The following OLFM4 variants were observed in gnomAD, a reference collection of about 807,000 sequenced individuals.
OLFM4 encodes olfactomedin-4.
Under a neutral mutation model 25.5 loss-of-function variants are expected in OLFM4, and 22 were observed. The ratio of observed to expected loss-of-function variants is 0.86; its 90% CI spans 0.62 to 1.23. OLFM4 has a LOEUF of 1.23. Among genes scored for constraint, OLFM4 ranks in the 50% most tolerant of loss-of-function variants. The pLI, the probability that OLFM4 is intolerant of heterozygous loss-of-function variation, is 0.00. For missense variants in OLFM4, 594 were observed against 619.4 expected, an observed-to-expected ratio of 0.96 and a Z score of 0.44; for synonymous variants, 255 against 237.7, an observed-to-expected ratio of 1.07 and a Z score of -0.67.
chr13:53,046,419 CA>C (rs1241731639), intron 4 of OLFM4, among the ~76,000 whole-genome samples: 1 of 152,142 alleles, frequency 6.6e-6, no homozygotes, highest in Non-Finnish European at 1.5e-5. Context: ...GAGTGCCAAC[CA>C]AGGCTAAACT....
At position 53,042,060 on chromosome 13, in the gene OLFM4, G is replaced by A. The variant is rs1479216954; in HGVS notation, c.508G>A (p.Val170Ile). ...AGAAGTGAAGGAGATGGAAAAACTG[G>A]TCATACAGCTGAAGGAGAGTTTTGG... ...KVEVKEMEKL[V>I]IQLKESFGGS... The change falls in exon 3 of 5, where the codon GTC becomes ATC. Residue 170 changes from valine (V) to isoleucine (I), a missense_variant. By Grantham distance (29) the Val-to-Ile change is conservative. Transcript: ENST00000219022. 8 of 1,614,026 alleles carry A rather than the reference G, an allele frequency of 5.0e-6. No homozygotes were observed. In the Admixed American group the frequency reaches 5.0e-5, roughly 10 times the overall value.
intron 4 of OLFM4, among the ~76,000 whole-genome samples, chr13:53,049,238 T>C (rs1237567543): frequency 1.3e-5 from 2 of 152,206 alleles, no homozygotes; most frequent in Non-Finnish European, 2.9e-5. Context: ...AAGTGATTTA[T>C]TGATGGGCTG....
chr13:53,045,503 A>C (rs898821368), intron 4 of OLFM4, among the ~76,000 whole-genome samples: 5 of 152,168 alleles, frequency 3.3e-5, no homozygotes, highest in African/African-American at 1.2e-4. Flanking sequence ...ATAATGCAGA[A>C]TTGGAAAATC....
chr13:53,029,834 A>G (rs1382558986), intron 1 of OLFM4, among the ~76,000 whole-genome samples: 1 of 152,226 alleles, frequency 6.6e-6, no homozygotes, highest in Non-Finnish European at 1.5e-5. Context: ...ATAGTAAGCC[A>G]GTTCCGTGGG....
At chr13:53,030,291 TTTG>T (rs971959458) in intron 1 of OLFM4, among the ~76,000 whole-genome samples, 1 of 152,084 alleles carries the variant, frequency 6.6e-6, no homozygotes, top group Non-Finnish European at 1.5e-5. Context: ...TATATATCTT[TTTG>T]TTGTTGTTGT....
At chr13:53,043,045 A>C in intron 3 of OLFM4, 60 bp from the exon 4 acceptor site, 1 of 1,347,214 alleles carries the variant, frequency 7.4e-7, no homozygotes. Context: ...TCAGCCCTGG[A>C]ATGTTTATGA....
At chr13:53,032,945 G>A (rs983046955) in intron 1 of OLFM4, among the ~76,000 whole-genome samples, 2 of 152,150 alleles carry the variant, frequency 1.3e-5, no homozygotes, top group African/African-American at 2.4e-5. Context: ...CATGGCCAGA[G>A]TCACTTCTGG....
chr13:53,029,237 G>A (rs1020578247), intron 1 of OLFM4, among the ~76,000 whole-genome samples, 197 bp downstream of exon 1: 4 of 152,180 alleles, frequency 2.6e-5, no homozygotes, highest in African/African-American at 9.7e-5. Flanking sequence ...AGACGATATC[G>A]CAGTTCTCCA....
rs747846342 is a variant in OLFM4, at chr13:53,050,165, G to T, written c.927G>T (p.Leu309=). The T allele has an allele frequency of 1.7e-5, 27 of 1,613,818 alleles. No homozygotes were observed. The highest frequency in any genetic ancestry group is 2.3e-5 in the Non-Finnish European group (27 of 1,179,944). ...LLEYYRLYNT[L]DDLLLYINAR... Reference sequence around the variant, plus strand: ...AGTATTATAGACTGTACAACACACTGGATGATTTGCTATTGTATATAAATG... The same window carrying T: ...AGTATTATAGACTGTACAACACACTTGATGATTTGCTATTGTATATAAATG... The change falls in exon 5 of 5, where the codon CTG becomes CTT. Residue 309 remains leucine, a synonymous_variant. Transcript: ENST00000219022.
intron 3 of OLFM4, among the ~76,000 whole-genome samples, 177 bp downstream of exon 3, chr13:53,042,299 A>G (rs768314995): frequency 6.6e-6 from 1 of 152,236 alleles, no homozygotes; most frequent in Non-Finnish European, 1.5e-5. Flanking sequence ...TTTGAATAGT[A>G]AGTTAAGCAC....
chr13:53,042,312 T>G (rs1446841131), intron 3 of OLFM4, among the ~76,000 whole-genome samples, 190 bp downstream of exon 3: 1 of 152,194 alleles, frequency 6.6e-6, no homozygotes, highest in African/African-American at 2.4e-5. Context: ...TTAAGCACAT[T>G]GGGAATGTGC....
chr13:53,042,835 T>C (rs1040977268), intron 3 of OLFM4, among the ~76,000 whole-genome samples: 5 of 152,226 alleles, frequency 3.3e-5, no homozygotes, highest in African/African-American at 1.2e-4. Context: ...TGAACTTTAA[T>C]GGACATTTGT....
rs563887217 is a variant in OLFM4, at chr13:53,028,943, C to A, written c.107C>A (p.Ser36Tyr). 1 of 1,614,244 alleles carries A rather than the reference C, an allele frequency of 6.2e-7. No homozygotes were observed. Among genetic ancestry groups the A allele is most frequent in the African/African-American group, 1.3e-5 (1 of 75,070 alleles). ...CCAATTCCCAGCCCCGGCTTCAGCT[C>A]TTTCCCAGGTGTTGACTCCAGCTCC... ...GPPIPSPGFS[S>Y]FPGVDSSSSF... The change falls in exon 1 of 5, where the codon TCT (serine) becomes TAT (tyrosine). Residue 36 changes from serine to tyrosine, a missense_variant. By Grantham distance (144) the Ser-to-Tyr change is moderately radical. Coordinates refer to ENST00000219022, the MANE Select transcript of OLFM4 (RefSeq NM_006418.5).
chr13:53,039,239 A>C (rs1954675272), intron 2 of OLFM4, among the ~76,000 whole-genome samples: 1 of 152,252 alleles, frequency 6.6e-6, no homozygotes, highest in African/African-American at 2.4e-5. Context: ...AAATGCCAAC[A>C]AGCATATTTA....
intron 3 of OLFM4, among the ~76,000 whole-genome samples, chr13:53,042,386 C>A (rs1954692540): frequency 6.6e-6 from 1 of 152,198 alleles, no homozygotes. Context: ...GCCCTTTCAA[C>A]TTCTCTGAAA....
Position 53,049,988 on chromosome 13 carries a change from TGTG to T in OLFM4, c.754_756del (p.Val252del), listed in dbSNP as rs747314706. The T allele has an allele frequency of 1.2e-6, 2 of 1,608,226 alleles. No homozygotes were observed. Among genetic ancestry groups the T allele is most frequent in the East Asian group, 4.5e-5 (2 of 44,660 alleles). ...GTATAGGGAGCTGTGGTCATGGTGG[TGTG>T]GTGAACATCAGCAAACCGTCTGTGG... On this transcript the variant is annotated inframe_deletion, in exon 5 of 5. Coordinates refer to ENST00000219022, the MANE Select transcript of OLFM4 (RefSeq NM_006418.5).
chr13:53,040,607 C>T (rs1450842756), intron 2 of OLFM4, among the ~76,000 whole-genome samples: 1 of 152,168 alleles, frequency 6.6e-6, no homozygotes, highest in African/African-American at 2.4e-5. Context: ...TAGCAATGCC[C>T]AGAGACATTT....
At chr13:53,049,915 T>C in intron 4 of OLFM4, 54 bp from the exon 5 acceptor site, 1 of 1,493,568 alleles carries the variant, frequency 6.7e-7, no homozygotes, top group Non-Finnish European at 9.1e-7. Flanking sequence ...AAACTATTTG[T>C]ATCCTGTCAT....
rs149298729 is a variant in OLFM4, at chr13:53,031,856, T to C, written c.205-2492T>C. On this transcript the variant is annotated intron_variant, in intron 1 of 4. Coordinates refer to ENST00000219022, the MANE Select transcript of OLFM4 (RefSeq NM_006418.5). ...CCTACAGAAGGGGAATCGCATATTC[T>C]TCCAAAGGCCAAGGGGACAAGCTCT... Among the ~76,000 whole-genome samples the C allele has an allele frequency of 7.2e-3, 1,094 of 152,364 alleles. 8 individuals carry two copies. Among genetic ancestry groups the C allele is most frequent in the Non-Finnish European group, 0.012 (835 of 68,044 alleles).
Sources: allele counts gnomAD v4.1 joint callset (sites outside exome capture counted in the v4.1 genomes callset), GRCh38; gene constraint gnomAD v4.1.1; transcripts MANE v1.5; gene names NCBI Gene and HGNC (gene_info 2026-07-23, HGNC 2026-07-21).